The following FAM169A variants were observed in gnomAD, a reference collection of about 807,000 sequenced individuals.
The protein encoded by FAM169A is family with sequence similarity 169 member A, also known as soluble lamin-associated protein of 75 kDa.
Under a neutral mutation model 75.7 loss-of-function variants are expected in FAM169A, and 24 were observed. The observed-to-expected ratio is 0.32, with a 90% CI of 0.23 to 0.45. The LOEUF is 0.45. Among genes scored for constraint, FAM169A ranks in the 20% least tolerant of loss-of-function variants. FAM169A has a pLI of 1.00. For missense variants in FAM169A, 673 were observed against 784.0 expected (o/e 0.86, Z 1.69); for synonymous variants, 271 against 271.0 (o/e 1.00, Z 0.00).
chr5:74,799,653 C>A, intron 10 of FAM169A: 1 of 1,348,756 alleles, frequency 7.4e-7, no homozygotes, highest in Non-Finnish European at 1.1e-6. Flanking sequence ...GCCACCTGGC[C>A]TGGGCCAGCC....
chr5:74,813,753 G>T, intron 6 of FAM169A, 87 bp downstream of exon 6: 1 of 1,010,944 alleles, frequency 9.9e-7, no homozygotes, highest in Non-Finnish European at 1.4e-6. Flanking sequence ...ATGTGATACT[G>T]ATATATACAC....
At chr5:74,817,106 C>G (rs1747509192) in intron 5 of FAM169A, among the ~76,000 whole-genome samples, 1 of 151,926 alleles carries the variant, frequency 6.6e-6, no homozygotes, top group Non-Finnish European at 1.5e-5. Context: ...AATGGTGAAC[C>G]ACTGGATATT....
At chr5:74,812,046 C>T (rs1349906791) in intron 6 of FAM169A, among the ~76,000 whole-genome samples, 1 of 152,192 alleles carries the variant, frequency 6.6e-6, no homozygotes, top group Non-Finnish European at 1.5e-5. Flanking sequence ...TAGAAGGCTT[C>T]GACCATATTG....
intron 5 of FAM169A, among the ~76,000 whole-genome samples, chr5:74,826,657 A>G (rs1015865518): frequency 6.6e-6 from 1 of 152,194 alleles, no homozygotes; most frequent in African/African-American, 2.4e-5. Flanking sequence ...TTTAAAAACA[A>G]TTGTAGACTT....
intron 4 of FAM169A, among the ~76,000 whole-genome samples, chr5:74,835,521 G>C (rs1748526509): frequency 2.0e-5 from 3 of 149,006 alleles, no homozygotes; most frequent in Non-Finnish European, 3.0e-5. Flanking sequence ...AAGATCACTT[G>C]AGCGCAAGAG....
chr5:74,819,293 G>A (rs1747651574), intron 5 of FAM169A, among the ~76,000 whole-genome samples: 1 of 151,436 alleles, frequency 6.6e-6, no homozygotes, highest in Admixed American at 6.6e-5. Context: ...CAATAAGCAC[G>A]CAAAAAGATG....
intron 11 of FAM169A, 116 bp downstream of exon 11, chr5:74,795,914 T>G: frequency 1.8e-6 from 2 of 1,081,822 alleles, no homozygotes; most frequent in Non-Finnish European, 2.6e-6. Flanking sequence ...TTTTTAACAC[T>G]AAACGCAATT....
intron 1 of FAM169A, among the ~76,000 whole-genome samples, chr5:74,862,673 C>T (rs1441036872): frequency 6.6e-6 from 1 of 152,182 alleles, no homozygotes; most frequent in Non-Finnish European, 1.5e-5. Context: ...TAACAGTACA[C>T]CTTACAAGGA....
At chr5:74,864,474 C>A (rs1051344001) in intron 1 of FAM169A, among the ~76,000 whole-genome samples, 1 of 152,208 alleles carries the variant, frequency 6.6e-6, no homozygotes, top group Non-Finnish European at 1.5e-5. Context: ...GTGATCCACC[C>A]GCTCTGGCCT....
At chr5:74,807,549 A>G (rs781267247) in intron 6 of FAM169A, among the ~76,000 whole-genome samples, 11 of 152,210 alleles carry the variant, frequency 7.2e-5, no homozygotes, top group Non-Finnish European at 1.2e-4. Context: ...CCAAACCATC[A>G]TAAGTCAAGG....
chr5:74,822,026 T>C (rs148270401), intron 5 of FAM169A, among the ~76,000 whole-genome samples: 134 of 152,256 alleles, frequency 8.8e-4, no homozygotes, highest in Non-Finnish European at 1.5e-3. Context: ...ATTTCTTACA[T>C]GGTGACTAGC....
In FAM169A at chr5:74,834,573, C is replaced by T. The variant is rs1453702183; in HGVS notation, c.343G>A (p.Val115Ile). ...KQVSTLGERV[V>I]LYVLNRIIYR... ...ATAATTCGATTCAGAACATACAGAA[C>T]CACTCTCTCCCCAAGAGTGCTCACC... Residue 115 changes from valine (V) to isoleucine (I), a missense_variant, in exon 5 of 13, where the codon GTT (valine) becomes ATT (isoleucine). This residue lies in a region of FAM169A where 107 missense variants were observed against 180.8 expected (regional missense o/e 0.59). Transcript: ENST00000687041. 1 of 1,588,466 alleles carries T rather than the reference C, an allele frequency of 6.3e-7. No individual in the cohort carries two copies. Among genetic ancestry groups the T allele is most frequent in the Non-Finnish European group, 8.5e-7 (1 of 1,170,178 alleles).
intron 5 of FAM169A, among the ~76,000 whole-genome samples, chr5:74,814,683 T>C (rs1400207158): frequency 1.3e-5 from 2 of 152,190 alleles, no homozygotes; most frequent in African/African-American, 4.8e-5. Context: ...AATTTGTAGT[T>C]TCTATATATC....
chr5:74,825,905 G>T (rs1747999489), intron 5 of FAM169A, among the ~76,000 whole-genome samples: 1 of 152,072 alleles, frequency 6.6e-6, no homozygotes, highest in Non-Finnish European at 1.5e-5. Flanking sequence ...CATTGTGATG[G>T]ATGCTCAATG....
At chr5:74,810,611 G>A (rs1457018140) in intron 6 of FAM169A, among the ~76,000 whole-genome samples, 6 of 151,646 alleles carry the variant, frequency 4.0e-5, no homozygotes, top group Admixed American at 6.6e-5. Context: ...TTAGCCAGGC[G>A]TGGTGGCGGG....
chr5:74,803,745 T>C (rs137978093), intron 8 of FAM169A, among the ~76,000 whole-genome samples: 4 of 152,304 alleles, frequency 2.6e-5, no homozygotes, highest in Non-Finnish European at 5.9e-5. Context: ...GACCTGTCCT[T>C]CTACTTTCAG....
intron 5 of FAM169A, among the ~76,000 whole-genome samples, chr5:74,833,435 A>G (rs1748417821): frequency 6.6e-6 from 1 of 152,230 alleles, no homozygotes; most frequent in Non-Finnish European, 1.5e-5. Flanking sequence ...AAGGGCACCC[A>G]AAGTATTTAC....
rs1491353189 is a variant in FAM169A at position 74,836,957 on chromosome 5, AAG to A, written c.318+2006_318+2007del. On this transcript the variant is annotated intron_variant, in intron 4 of 12. Transcript: ENST00000687041. ...TAAGCCTGTGTCAAAAAAAAAAAAA[AAG>A]AGAGGGAATGTTGTCCCTAAGGTAA... Among the ~76,000 whole-genome samples the A allele has an allele frequency of 2.6e-5, 4 of 151,896 alleles. No homozygotes were observed. In the East Asian group the frequency reaches 5.8e-4, roughly 22 times the overall value.
chr5:74,817,730 G>A (rs922091608), intron 5 of FAM169A, among the ~76,000 whole-genome samples: 2 of 152,126 alleles, frequency 1.3e-5, no homozygotes. Context: ...AACTTGTCAA[G>A]ACTGATTCAC....
Sources: gnomAD v4.1 joint callset for allele counts (sites outside exome capture counted in the v4.1 genomes callset) on GRCh38, gnomAD v4.1.1 for gene constraint, gnomAD v4.1.1 regional missense constraint, MANE v1.5 for transcripts, NCBI Gene and HGNC (gene_info 2026-07-23, HGNC 2026-07-21) for gene names.